DEFB125: variants seen among roughly 807,000 people sequenced by gnomAD.
DEFB125 encodes defensin beta 125, also known as beta-defensin 125.
A neutral mutation model predicts 11.8 loss-of-function variants in DEFB125; 11 were observed. The ratio of observed to expected loss-of-function variants is 0.94; its 90% CI spans 0.59 to 1.55. The LOEUF (loss-of-function observed/expected upper bound fraction) is 1.55, where lower values mean the gene tolerates loss of function less well. Ranked by LOEUF, DEFB125 falls within the 40% of genes most tolerant of loss-of-function variation. The pLI is 0.00. For missense variants in DEFB125, 198 were observed against 191.2 expected, an observed-to-expected ratio of 1.04 and a Z score of -0.21; for synonymous variants, 79 against 66.7, an observed-to-expected ratio of 1.18 and a Z score of -0.90.
intron 1 of DEFB125, among the ~76,000 whole-genome samples, chr20:89,760 T>G (rs1799286115): frequency 6.6e-6 from 1 of 151,970 alleles, no homozygotes; most frequent in African/African-American, 2.4e-5. Flanking sequence ...TTAATTTTTA[T>G]TTATGTCTGT....
intron 1 of DEFB125, 131 bp from the exon 2 acceptor site, chr20:95,874 C>T: frequency 1.2e-6 from 1 of 827,206 alleles, no homozygotes; most frequent in Admixed American, 2.9e-5. Context: ...TCCTGTTTGT[C>T]TCTTACAATG....
chr20:92,786 A>T (rs953258958), intron 1 of DEFB125, among the ~76,000 whole-genome samples: 1 of 151,792 alleles, frequency 6.6e-6, no homozygotes, highest in African/African-American at 2.4e-5. Flanking sequence ...CCCTCAGTTT[A>T]TCCCATGCCC....
chr20:95,431 G>A (rs1212890162), intron 1 of DEFB125, among the ~76,000 whole-genome samples: 1 of 152,088 alleles, frequency 6.6e-6, no homozygotes, highest in Non-Finnish European at 1.5e-5. Flanking sequence ...AAGGATAAAG[G>A]CTACTTGATC....
At chr20:95,379 C>T (rs1389931957) in intron 1 of DEFB125, among the ~76,000 whole-genome samples, 1 of 152,132 alleles carries the variant, frequency 6.6e-6, no homozygotes, top group African/African-American at 2.4e-5. Context: ...CATAAGCAAT[C>T]ACATTTATTG....
chr20:88,317 T>C (rs1264290203), intron 1 of DEFB125, among the ~76,000 whole-genome samples: 3 of 152,186 alleles, frequency 2.0e-5, no homozygotes, highest in African/African-American at 7.2e-5. Flanking sequence ...GACAGACTAG[T>C]GACCAATGGG....
At position 96,051 on chromosome 20, in the gene DEFB125, C is replaced by A. The variant is rs767854746; in HGVS notation, c.105C>A (p.Cys35Ter). 1.2e-6 allele frequency: 2 copies of A among 1,613,220 alleles called. No individual in the cohort carries two copies. Among genetic ancestry groups the A allele is most frequent in the Admixed American group, 1.7e-5 (1 of 60,002 alleles). The change falls in exon 2 of 2, where the codon TGC (cysteine) becomes TGA (stop). Residue 35 changes from cysteine to a stop codon, truncating the protein, a stop_gained. Transcript: ENST00000382410. LOFTEE classifies it high-confidence loss of function. ...QKCWKNNVGH[C>*]RRRCLDTERY... ...GTTGGAAGAATAATGTAGGACATTG[C>A]AGAAGACGATGTTTAGATACTGAAA...
In DEFB125 at chr20:87,708, C is replaced by T. The variant is rs2054480910; in HGVS notation, c.-2C>T. 2 of 1,613,044 alleles carry T rather than the reference C, an allele frequency of 1.2e-6. No individual in the cohort carries two copies. Among genetic ancestry groups the T allele is most frequent in the Non-Finnish European group, 1.7e-6 (2 of 1,179,164 alleles). On this transcript the variant is annotated 5_prime_UTR_variant, in exon 1 of 2. Transcript: ENST00000382410. ...CACAGAGCTTCCTCTCTCCCAGGAG[C>T]CATGAATATCCTGATGCTGACCTTC...
At chr20:88,654 G>C (rs1438976468) in intron 1 of DEFB125, among the ~76,000 whole-genome samples, 1 of 151,996 alleles carries the variant, frequency 6.6e-6, no homozygotes, top group Admixed American at 6.6e-5. Context: ...GTTCTGCAAT[G>C]TACTAGCAAT....
At chr20:91,303 C>A (rs537716304) in intron 1 of DEFB125, among the ~76,000 whole-genome samples, 1 of 152,276 alleles carries the variant, frequency 6.6e-6, no homozygotes, top group African/African-American at 2.4e-5. Flanking sequence ...TGTGCACAAG[C>A]TTTTTAGTTT....
At chr20:93,220 C>T (rs1485633882) in intron 1 of DEFB125, among the ~76,000 whole-genome samples, 2 of 152,064 alleles carry the variant, frequency 1.3e-5, no homozygotes, top group Middle Eastern at 3.2e-3. Context: ...CTGCCCGCCT[C>T]GATCTCCCAA....
At chr20:91,217 C>T (rs1228446758) in intron 1 of DEFB125, among the ~76,000 whole-genome samples, 1 of 152,106 alleles carries the variant, frequency 6.6e-6, no homozygotes, top group Non-Finnish European at 1.5e-5. Flanking sequence ...GTTAATTCCT[C>T]GTCAGATGGA....
chr20:88,439 A>G (rs1209556676), intron 1 of DEFB125, among the ~76,000 whole-genome samples: 1 of 152,220 alleles, frequency 6.6e-6, no homozygotes. Context: ...TGACTTATGT[A>G]TCAAGCAATC....
chr20:91,877 G>T (rs1047525071), intron 1 of DEFB125, among the ~76,000 whole-genome samples: 11 of 152,174 alleles, frequency 7.2e-5, no homozygotes, highest in Non-Finnish European at 1.3e-4. Context: ...GAAGTGGAAG[G>T]TCTAGACTTG....
chr20:96,243 G>T lies in DEFB125; in HGVS notation c.297G>T (p.Leu99=), dbSNP rs369692500. The change falls in exon 2 of 2, where the codon CTG becomes CTT. Residue 99 remains leucine, a synonymous_variant. Coordinates refer to ENST00000382410, the MANE Select transcript of DEFB125 (RefSeq NM_153325.4). ...CCCCAGTATCTATGTTGAATGATCTGATAACATTTGACACAACTAAATTTG... is the reference window on the plus strand; with the variant it reads ...CCCCAGTATCTATGTTGAATGATCTTATAACATTTGACACAACTAAATTTG... The part of the protein sequence containing the change: ...TGSPVSMLND[L]ITFDTTKFGE... 1.7e-5 allele frequency: 27 copies of T among 1,613,932 alleles called. No homozygotes were observed. Among genetic ancestry groups the T allele is most frequent in the Non-Finnish European group, 1.8e-5 (21 of 1,180,014 alleles).
At chr20:95,316 C>G (rs551086212) in intron 1 of DEFB125, among the ~76,000 whole-genome samples, 6 of 151,990 alleles carry the variant, frequency 3.9e-5, no homozygotes, top group Non-Finnish European at 7.4e-5. Flanking sequence ...CTTTTTTTCT[C>G]ATATTATTCC....
chr20:92,187 C>A (rs1329024871), intron 1 of DEFB125, among the ~76,000 whole-genome samples: 2 of 152,162 alleles, frequency 1.3e-5, no homozygotes, highest in Admixed American at 1.3e-4. Context: ...AGCCTTATCT[C>A]TAGCTGCTTC....
Position 96,461 on chromosome 20 carries a change from A to G in DEFB125, c.*44A>G. On this transcript the variant is annotated 3_prime_UTR_variant, in exon 2 of 2. Transcript: ENST00000382410. ...ATGGAACAACTAGAAATACTGCTGG[A>G]AATAATATCCAAAGAGCTGATTCTA... is the stretch of plus-strand genomic sequence containing the variant. The G allele has an allele frequency of 6.4e-7, 1 of 1,557,634 alleles. No individual in the cohort carries two copies. Among genetic ancestry groups the G allele is most frequent in the Non-Finnish European group, 8.7e-7 (1 of 1,155,756 alleles).
chr20:95,286 T>C (rs2054510713), intron 1 of DEFB125, among the ~76,000 whole-genome samples: 1 of 152,190 alleles, frequency 6.6e-6, no homozygotes, highest in African/African-American at 2.4e-5. Flanking sequence ...TGAAACTCAC[T>C]AGAATTTAAT....
intron 1 of DEFB125, among the ~76,000 whole-genome samples, chr20:90,780 T>A (rs886177670): frequency 5.3e-5 from 8 of 152,030 alleles, no homozygotes; most frequent in Non-Finnish European, 4.4e-5. Flanking sequence ...CCCAAACATA[T>A]CAGACTTACT....
Sources: allele counts gnomAD v4.1 joint callset (sites outside exome capture counted in the v4.1 genomes callset), GRCh38; gene constraint gnomAD v4.1.1; transcripts MANE v1.5; gene names NCBI Gene and HGNC (gene_info 2026-07-23, HGNC 2026-07-21).